The following SAMD5 variants were observed in gnomAD, a reference collection of about 807,000 sequenced individuals.
The protein encoded by SAMD5 is sterile alpha motif domain-containing protein 5.
In SAMD5, 13 loss-of-function variants were observed where a neutral mutation model predicts 11.3. That is an observed-to-expected ratio of 1.15 (90% CI 0.75 to 1.83). The LOEUF (loss-of-function observed/expected upper bound fraction) is 1.83, where lower values mean the gene tolerates loss of function less well. SAMD5 is among the 40% of genes most tolerant of loss of function. The pLI, the probability that SAMD5 is intolerant of heterozygous loss-of-function variation, is 0.00. For synonymous variants in SAMD5, 129 were observed against 111.3 expected, an observed-to-expected ratio of 1.16 and a Z score of -1.00; for missense variants, 255 against 239.1, an observed-to-expected ratio of 1.07 and a Z score of -0.44.
the SAMD5 span, among the ~76,000 whole-genome samples, chr6:147,853,053 GT>G: frequency 4.6e-5 from 7 of 152,292 alleles, no homozygotes; most frequent in Admixed American, 2.0e-4. Flanking sequence ...ATATTCCAAA[GT>G]TTAATTCAAG....
the SAMD5 span, among the ~76,000 whole-genome samples, chr6:147,830,585 T>TTG: frequency 1.4e-4 from 22 of 152,176 alleles, no homozygotes; most frequent in East Asian, 3.9e-3. Context: ...TGCACTTCTT[T>TTG]TGCTAATAAG....
chr6:147,592,208 C>T (rs933413468), intron 1 of SAMD5, among the ~76,000 whole-genome samples: 2 of 152,030 alleles, frequency 1.3e-5, no homozygotes, highest in Non-Finnish European at 2.9e-5. Flanking sequence ...AGGTTGGTCT[C>T]CAACTGCTAG....
chr6:147,817,676 A>G, the SAMD5 span, among the ~76,000 whole-genome samples: 4 of 152,310 alleles, frequency 2.6e-5, no homozygotes, highest in Admixed American at 2.6e-4. Flanking sequence ...GAATTATTAC[A>G]ATCTCCATGG....
intron 1 of SAMD5, among the ~76,000 whole-genome samples, chr6:147,695,028 T>C (rs971974030): frequency 5.3e-5 from 8 of 152,198 alleles, no homozygotes; most frequent in African/African-American, 1.7e-4. Flanking sequence ...ACTTCAAAGC[T>C]CTGTCATTGT....
At chr6:147,545,978 G>T (rs1483097221) in intron 1 of SAMD5, among the ~76,000 whole-genome samples, 1 of 152,162 alleles carries the variant, frequency 6.6e-6, no homozygotes, top group Non-Finnish European at 1.5e-5. Flanking sequence ...TAAATCAAAT[G>T]AGAAAATATG....
At chr6:147,782,054 C>G in the SAMD5 span, among the ~76,000 whole-genome samples, 1 of 151,180 alleles carries the variant, frequency 6.6e-6, no homozygotes, top group Admixed American at 6.6e-5. Context: ...TTAAAAAAGT[C>G]ATTCCAGGAG....
intron 1 of SAMD5, among the ~76,000 whole-genome samples, chr6:147,653,995 C>T (rs998307434): frequency 8.5e-5 from 13 of 152,262 alleles, no homozygotes; most frequent in Non-Finnish European, 1.8e-4. Flanking sequence ...AACAATGACA[C>T]GAATTTAATC....
the SAMD5 span, among the ~76,000 whole-genome samples, chr6:147,817,037 G>A: frequency 1.3e-5 from 2 of 152,110 alleles, no homozygotes; most frequent in South Asian, 2.1e-4. Context: ...TGGAGACCCC[G>A]CCTGGTTCAT....
chr6:147,579,775 A>T (rs1789269668), intron 1 of SAMD5, among the ~76,000 whole-genome samples: 1 of 152,090 alleles, frequency 6.6e-6, no homozygotes, highest in Non-Finnish European at 1.5e-5. Context: ...GAATTCTTAA[A>T]TGTTATACTT....
chr6:147,611,158 C>T (rs187639430), intron 1 of SAMD5, among the ~76,000 whole-genome samples: 11 of 152,266 alleles, frequency 7.2e-5, no homozygotes, highest in Admixed American at 2.0e-4. Flanking sequence ...AGGCATTAGC[C>T]GCTGCACCCA....
the SAMD5 span, among the ~76,000 whole-genome samples, chr6:147,755,583 C>G: frequency 6.6e-6 from 1 of 152,096 alleles, no homozygotes; most frequent in Non-Finnish European, 1.5e-5. Context: ...CTATATCATC[C>G]TCACTTCCTC....
intron 1 of SAMD5, among the ~76,000 whole-genome samples, chr6:147,626,734 G>T (rs1466684523): frequency 7.3e-6 from 1 of 136,168 alleles, no homozygotes; most frequent in Admixed American, 8.3e-5. Flanking sequence ...CGGCAGGGTC[G>T]CTTGAAGCCA....
chr6:147,871,466 G>A, the SAMD5 span, among the ~76,000 whole-genome samples: 37 of 152,076 alleles, frequency 2.4e-4, no homozygotes, highest in Non-Finnish European at 4.7e-4. Flanking sequence ...AACAGGACAA[G>A]ACAAATCTCT....
At chr6:147,863,876 C>T in the SAMD5 span, among the ~76,000 whole-genome samples, 1 of 125,322 alleles carries the variant, frequency 8.0e-6, no homozygotes, top group African/African-American at 3.1e-5. Context: ...CAGAGTCTTG[C>T]TCTGTTGCCC....
chr6:147,942,819 G>T, the SAMD5 span, among the ~76,000 whole-genome samples: 6 of 94,824 alleles, frequency 6.3e-5, no homozygotes, highest in African/African-American at 1.8e-4. Context: ...TGTTCCCAAT[G>T]CTTCTTTTTT....
chr6:147,542,099 C>T (rs1295918413), intron 1 of SAMD5, among the ~76,000 whole-genome samples: 3 of 152,202 alleles, frequency 2.0e-5, no homozygotes, highest in African/African-American at 7.2e-5. Context: ...AGACAGATAC[C>T]CTGTCATAGG....
the SAMD5 span, among the ~76,000 whole-genome samples, chr6:147,806,332 A>G: frequency 6.6e-6 from 1 of 151,912 alleles, no homozygotes; most frequent in African/African-American, 2.4e-5. Flanking sequence ...ACACACACAC[A>G]CTCATTGTGA....
chr6:147,815,031 T>C, the SAMD5 span, among the ~76,000 whole-genome samples: 2 of 152,192 alleles, frequency 1.3e-5, no homozygotes, highest in Admixed American at 6.5e-5. Flanking sequence ...AATGAGGGGC[T>C]GAGTGCCATC....
At chr6:147,724,931 A>C (rs991203100) in intron 1 of SAMD5, among the ~76,000 whole-genome samples, 4 of 152,126 alleles carry the variant, frequency 2.6e-5, no homozygotes, top group African/African-American at 7.2e-5. Context: ...AACAAAAAAA[A>C]ACTAGCTAAT....
Sources: gnomAD v4.1 joint callset for allele counts (sites outside exome capture counted in the v4.1 genomes callset) on GRCh38, gnomAD v4.1.1 for gene constraint, MANE v1.5 for transcripts, NCBI Gene and HGNC (gene_info 2026-07-23, HGNC 2026-07-21) for gene names.